EEFSEC: variants seen among roughly 807,000 people sequenced by gnomAD.
EEFSEC encodes the protein eukaryotic elongation factor, selenocysteine-tRNA specific, also known as selenocysteine-specific elongation factor.
EEFSEC carries 43 observed loss-of-function variants against 42.1 expected under a neutral mutation model. The ratio of observed to expected loss-of-function variants is 1.02; its 90% CI spans 0.80 to 1.32. The LOEUF is 1.32. Among genes scored for constraint, EEFSEC ranks in the 40% most tolerant of loss-of-function variants. The pLI, the probability that EEFSEC is intolerant of heterozygous loss-of-function variation, is 0.00. For synonymous variants in EEFSEC, 354 were observed against 339.1 expected (o/e 1.04, Z -0.48); for missense variants, 745 against 803.6 (o/e 0.93, Z 0.88).
At chr3:128,365,396 T>C (rs955715327) in intron 6 of EEFSEC, among the ~76,000 whole-genome samples, 2 of 152,198 alleles carry the variant, frequency 1.3e-5, no homozygotes, top group Non-Finnish European at 1.5e-5. Flanking sequence ...TCCCTTCTGA[T>C]TGGGACCAGC....
At chr3:128,416,029 T>C in the EEFSEC span, among the ~76,000 whole-genome samples, 1 of 152,198 alleles carries the variant, frequency 6.6e-6, no homozygotes, top group Non-Finnish European at 1.5e-5. Context: ...TGGGTGCCTG[T>C]GTGGACACAC....
In EEFSEC at chr3:128,308,384, T is replaced by C. The variant is rs972757360; in HGVS notation, c.787-32849T>C. 1.0e-3 allele frequency among the ~76,000 whole-genome samples: 156 copies of C among 152,326 alleles called. 2 individuals are homozygous for C. The highest frequency in any genetic ancestry group is 3.6e-3 in the African/African-American group (150 of 41,576). On this transcript the variant is annotated intron_variant, in intron 4 of 6. Transcript: ENST00000254730. ...GGGGAATTGGGAGAAGACATAGCTTTCCTTGAGTACCTACTGTGTGCCACG... is the reference window on the plus strand; with the variant it reads ...GGGGAATTGGGAGAAGACATAGCTTCCCTTGAGTACCTACTGTGTGCCACG...
intron 4 of EEFSEC, among the ~76,000 whole-genome samples, chr3:128,275,069 T>C (rs768184291): frequency 3.9e-4 from 59 of 152,116 alleles, no homozygotes; most frequent in Admixed American, 1.4e-3. Flanking sequence ...TTCCTCCCTC[T>C]AGCTGTGGGC....
chr3:128,203,012 C>T (rs1429930111), intron 1 of EEFSEC, among the ~76,000 whole-genome samples: 1 of 151,860 alleles, frequency 6.6e-6, no homozygotes, highest in Non-Finnish European at 1.5e-5. Flanking sequence ...CTAAACATTA[C>T]CTCAGCCTCA....
intron 6 of EEFSEC, among the ~76,000 whole-genome samples, chr3:128,373,396 C>G (rs2067675213): frequency 6.6e-6 from 1 of 152,192 alleles, no homozygotes; most frequent in Middle Eastern, 3.2e-3. Context: ...TTTAGAATGG[C>G]ACTTGATGAG....
At chr3:128,212,480 G>C (rs1044227363) in intron 1 of EEFSEC, among the ~76,000 whole-genome samples, 19 of 152,230 alleles carry the variant, frequency 1.2e-4, no homozygotes, top group African/African-American at 4.6e-4. Context: ...CCCTGCTTTT[G>C]ATCTTCACCT....
At chr3:128,223,779 C>T (rs1241552354) in intron 1 of EEFSEC, among the ~76,000 whole-genome samples, 1 of 152,090 alleles carries the variant, frequency 6.6e-6, no homozygotes, top group African/African-American at 2.4e-5. Context: ...AGCATGTGCC[C>T]ATGTGCGTGC....
At chr3:128,392,819 T>C (rs1405000960) in intron 6 of EEFSEC, among the ~76,000 whole-genome samples, 1 of 152,204 alleles carries the variant, frequency 6.6e-6, no homozygotes, top group Non-Finnish European at 1.5e-5. Flanking sequence ...TGCCCTAGGC[T>C]CGCTGTCTGC....
intron 1 of EEFSEC, among the ~76,000 whole-genome samples, chr3:128,214,102 A>C (rs2065786394): frequency 6.6e-6 from 1 of 152,226 alleles, no homozygotes; most frequent in South Asian, 2.1e-4. Context: ...GGGTAGGGGA[A>C]TCTCCTAATT....
At chr3:128,412,639 C>T (rs1456872879), downstream of EEFSEC, among the ~76,000 whole-genome samples, 1 of 152,226 alleles carries the variant, frequency 6.6e-6, no homozygotes, top group Non-Finnish European at 1.5e-5. Flanking sequence ...GGTCATAGCT[C>T]CAGACCCCCC....
the EEFSEC span, among the ~76,000 whole-genome samples, chr3:128,416,151 C>T: frequency 6.6e-6 from 1 of 152,182 alleles, no homozygotes; most frequent in African/African-American, 2.4e-5. Context: ...AGACAAGCAT[C>T]TCCCGGTGGC....
intron 5 of EEFSEC, among the ~76,000 whole-genome samples, chr3:128,355,447 C>T (rs2067440945): frequency 6.6e-6 from 1 of 151,990 alleles, no homozygotes; most frequent in Non-Finnish European, 1.5e-5. Flanking sequence ...GGAGGCATAA[C>T]AGAGGGGCAT....
At chr3:128,426,182 C>T in the EEFSEC span, among the ~76,000 whole-genome samples, 2 of 152,218 alleles carry the variant, frequency 1.3e-5, no homozygotes, top group Middle Eastern at 3.2e-3. Context: ...CACTTGAACC[C>T]GGCGGGACTC....
At chr3:128,404,159 AAAAG>A (rs909931072) in intron 6 of EEFSEC, among the ~76,000 whole-genome samples, 3 of 152,230 alleles carry the variant, frequency 2.0e-5, no homozygotes, top group African/African-American at 7.2e-5. Flanking sequence ...GAAAGGAAAA[AAAAG>A]GCCACTGGGA....
At chr3:128,310,118 A>G (rs116266471) in intron 4 of EEFSEC, among the ~76,000 whole-genome samples, 2,397 of 152,330 alleles carry the variant, frequency 0.016, 45 homozygotes, top group African/African-American at 0.054. Context: ...AGGTGTCACC[A>G]TTATCATCTG....
chr3:128,286,566 G>T (rs571644768), intron 4 of EEFSEC, among the ~76,000 whole-genome samples: 1 of 152,302 alleles, frequency 6.6e-6, no homozygotes, highest in African/African-American at 2.4e-5. Flanking sequence ...GCTCTATGAG[G>T]CCAGCTCCTG....
At chr3:128,276,956 G>A (rs979863878) in intron 4 of EEFSEC, among the ~76,000 whole-genome samples, 1 of 152,242 alleles carries the variant, frequency 6.6e-6, no homozygotes, top group East Asian at 1.9e-4. Flanking sequence ...GGAGGCCAGG[G>A]CATGCATCCA....
rs148665235 is a variant in EEFSEC, at chr3:128,238,040, G to C, written c.317-8796G>C. Among the ~76,000 whole-genome samples the C allele has an allele frequency of 3.5e-3, 533 of 152,296 alleles. 1 individual carries two copies. The highest frequency in any genetic ancestry group is 0.012 in the African/African-American group (494 of 41,556). The stretch of plus-strand genomic sequence containing the variant: ...AAGTCAGACAGCCCTTGGTACTAGC[G>C]CTGCCTCTGCTGTTGACTGTTGGGC... On this transcript the variant is annotated intron_variant, in intron 1 of 6. Coordinates refer to ENST00000254730, the MANE Select transcript of EEFSEC (RefSeq NM_021937.5).
chr3:128,356,644 T>G (rs2067458452), intron 5 of EEFSEC, among the ~76,000 whole-genome samples: 1 of 152,236 alleles, frequency 6.6e-6, no homozygotes, highest in Non-Finnish European at 1.5e-5. Flanking sequence ...TGTATTTCAG[T>G]AGCCAAAGAT....
Sources: allele counts gnomAD v4.1 joint callset (sites outside exome capture counted in the v4.1 genomes callset), GRCh38; gene constraint gnomAD v4.1.1; transcripts MANE v1.5; gene names NCBI Gene and HGNC (gene_info 2026-07-23, HGNC 2026-07-21).